PIK3C2G: variants seen among roughly 807,000 people sequenced by gnomAD.
PIK3C2G encodes phosphatidylinositol-4-phosphate 3-kinase catalytic subunit type 2 gamma, also known as phosphatidylinositol 3-kinase C2 domain-containing subunit gamma.
Under a neutral mutation model 181.1 loss-of-function variants are expected in PIK3C2G, and 168 were observed. The ratio of observed to expected loss-of-function variants is 0.93; its 90% confidence interval spans 0.82 to 1.05. PIK3C2G has a LOEUF of 1.05. PIK3C2G is among the 50% of genes least tolerant of loss of function. The probability of loss-of-function intolerance (pLI) is 0.00; values close to 1 mark genes in which losing one functional copy is unlikely to be tolerated. For synonymous variants in PIK3C2G, 573 were observed against 592.2 expected, an observed-to-expected ratio of 0.97 and a Z score of 0.47; for missense variants, 1,869 against 1,732.8, an observed-to-expected ratio of 1.08 and a Z score of -1.40.
intron 12 of PIK3C2G, among the ~76,000 whole-genome samples, chr12:18,368,250 C>A (rs967253713): frequency 6.6e-6 from 1 of 152,112 alleles, no homozygotes; most frequent in African/African-American, 2.4e-5. Flanking sequence ...ATGGCTGATA[C>A]AAATTATTGT....
At chr12:18,318,278 T>C in intron 6 of PIK3C2G, among the ~76,000 whole-genome samples, 1 of 152,306 alleles carries the variant, frequency 6.6e-6, no homozygotes, top group East Asian at 1.9e-4. Flanking sequence ...TAAACTGGTT[T>C]GGTTTTGAGG....
At chr12:18,690,732 G>A in the PIK3C2G span, among the ~76,000 whole-genome samples, 1 of 152,108 alleles carries the variant, frequency 6.6e-6, no homozygotes, top group Non-Finnish European at 1.5e-5. Flanking sequence ...TGAAAACTGA[G>A]TCAAAATGAA....
chr12:18,617,800 C>T (rs1413560862), intron 31 of PIK3C2G, among the ~76,000 whole-genome samples: 2 of 151,966 alleles, frequency 1.3e-5, no homozygotes, highest in Non-Finnish European at 2.9e-5. Context: ...CCCTCTATAG[C>T]GGAGACATTA....
chr12:18,369,464 T>C (rs1052540547), intron 12 of PIK3C2G, among the ~76,000 whole-genome samples: 23 of 150,426 alleles, frequency 1.5e-4, no homozygotes, highest in African/African-American at 5.2e-4. Flanking sequence ...AATTGACATA[T>C]GATCATATAA....
intron 24 of PIK3C2G, among the ~76,000 whole-genome samples, chr12:18,512,341 G>GA (rs923432654): frequency 2.7e-4 from 41 of 149,544 alleles, no homozygotes; most frequent in Admixed American, 8.7e-4. Context: ...CCATTTGTGT[G>GA]AAAAAAAAAT....
chr12:18,684,530 G>A, the PIK3C2G span, among the ~76,000 whole-genome samples: 5 of 152,094 alleles, frequency 3.3e-5, no homozygotes, highest in African/African-American at 9.6e-5. Context: ...CCATCAGGGT[G>A]GGATGGGAAA....
intron 29 of PIK3C2G, among the ~76,000 whole-genome samples, chr12:18,580,144 A>AAG (rs1371291413): frequency 2.0e-5 from 3 of 150,946 alleles, no homozygotes; most frequent in Admixed American, 1.3e-4. Flanking sequence ...AAAAAAAAAA[A>AAG]AGAGAGAGAG....
intron 24 of PIK3C2G, among the ~76,000 whole-genome samples, chr12:18,536,638 A>G (rs1313440355): frequency 6.6e-6 from 1 of 152,042 alleles, no homozygotes; most frequent in Non-Finnish European, 1.5e-5. Context: ...CCTCACAGCA[A>G]TTCTAAGAGT....
At chr12:18,345,177 C>G (rs533321390) in intron 10 of PIK3C2G, among the ~76,000 whole-genome samples, 2 of 152,238 alleles carry the variant, frequency 1.3e-5, no homozygotes, top group Non-Finnish European at 2.9e-5. Flanking sequence ...CAAGATGTTT[C>G]CATAAATTTA....
intron 14 of PIK3C2G, among the ~76,000 whole-genome samples, chr12:18,385,732 C>G (rs1224860983): frequency 6.6e-6 from 1 of 152,092 alleles, no homozygotes; most frequent in Non-Finnish European, 1.5e-5. Context: ...CCATGCCCAG[C>G]TAATTTTTGT....
At chr12:18,592,274 CACTTAA>C (rs1396753562) in intron 29 of PIK3C2G, among the ~76,000 whole-genome samples, 1 of 151,674 alleles carries the variant, frequency 6.6e-6, no homozygotes. Context: ...AAGTGAGAAA[CACTTAA>C]ACTTAAATCA....
At chr12:18,702,516 T>C in the PIK3C2G span, among the ~76,000 whole-genome samples, 9 of 152,278 alleles carry the variant, frequency 5.9e-5, no homozygotes, top group African/African-American at 1.9e-4. Flanking sequence ...CAGGGAGCTT[T>C]GATTGTCCTT....
intron 8 of PIK3C2G, among the ~76,000 whole-genome samples, chr12:18,328,397 C>T (rs144003529): frequency 7.2e-4 from 109 of 151,958 alleles, no homozygotes; most frequent in African/African-American, 2.5e-3. Context: ...AAGAAAATTC[C>T]ATATATGAGT....
chr12:18,496,554 T>C (rs1382299138), intron 21 of PIK3C2G, among the ~76,000 whole-genome samples: 1 of 152,150 alleles, frequency 6.6e-6, no homozygotes, highest in Non-Finnish European at 1.5e-5. Context: ...CTAGCACTTG[T>C]TCATTTTAGT....
chr12:18,495,774 C>G (rs1379186319), intron 20 of PIK3C2G, among the ~76,000 whole-genome samples: 1 of 152,096 alleles, frequency 6.6e-6, no homozygotes, highest in South Asian at 2.1e-4. Context: ...TTCATTTAAA[C>G]CTCAAACATA....
At chr12:18,650,729 TATA>T (rs1950466965), downstream of PIK3C2G, among the ~76,000 whole-genome samples, 1 of 26,382 alleles carries the variant, frequency 3.8e-5, no homozygotes, top group Admixed American at 4.8e-4. Flanking sequence ...TATATATATA[TATA>T]TATATATATA....
At chr12:18,469,705 T>C (rs1437664786) in intron 18 of PIK3C2G, among the ~76,000 whole-genome samples, 1 of 152,050 alleles carries the variant, frequency 6.6e-6, no homozygotes. Context: ...TCTTATATTA[T>C]CTTTTGATAT....
At chr12:18,698,548 C>G in the PIK3C2G span, among the ~76,000 whole-genome samples, 1 of 152,254 alleles carries the variant, frequency 6.6e-6, no homozygotes, top group African/African-American at 2.4e-5. Flanking sequence ...TCCGCATTCC[C>G]AAACAGCCAG....
intron 1 of PIK3C2G, among the ~76,000 whole-genome samples, chr12:18,268,627 G>A (rs1948612777): frequency 6.6e-6 from 1 of 152,094 alleles, no homozygotes; most frequent in Non-Finnish European, 1.5e-5. Flanking sequence ...CTCCTATGCA[G>A]TGAATCATAT....
Sources: gnomAD v4.1 joint callset for allele counts (sites outside exome capture counted in the v4.1 genomes callset) on GRCh38, gnomAD v4.1.1 for gene constraint, MANE v1.5 for transcripts, NCBI Gene and HGNC (gene_info 2026-07-23, HGNC 2026-07-21) for gene names.